The following GRM5 variants were observed in gnomAD, a reference collection of about 807,000 sequenced individuals.
The protein encoded by GRM5 is glutamate metabotropic receptor 5.
In GRM5, 19 loss-of-function variants were observed where a neutral mutation model predicts 83.1. That is an observed-to-expected ratio of 0.23 (90% confidence interval 0.16 to 0.34). GRM5 has a LOEUF of 0.34. Ranked by LOEUF, GRM5 falls within the 10% of genes least tolerant of loss-of-function variation. The probability of loss-of-function intolerance (pLI) is 1.00; values close to 1 mark genes in which losing one functional copy is unlikely to be tolerated. For synonymous variants in GRM5, 675 were observed against 633.6 expected, an observed-to-expected ratio of 1.07 and a Z score of -0.98; for missense variants, 1,160 against 1,588.3, an observed-to-expected ratio of 0.73 and a Z score of 4.58.
chr11:88,806,280 A>G (rs925314260), intron 3 of GRM5, among the ~76,000 whole-genome samples: 4 of 152,218 alleles, frequency 2.6e-5, no homozygotes, highest in Admixed American at 6.5e-5. Flanking sequence ...AAAATGATCC[A>G]TAAATTTCAC....
intron 3 of GRM5, among the ~76,000 whole-genome samples, chr11:88,701,615 G>C (rs1170900366): frequency 2.0e-5 from 3 of 152,158 alleles, no homozygotes; most frequent in Non-Finnish European, 4.4e-5. Flanking sequence ...GTTAGGTCAT[G>C]ATTCTGTCTT....
chr11:89,043,058 A>T (rs1941567446), intron 2 of GRM5, among the ~76,000 whole-genome samples: 2 of 152,236 alleles, frequency 1.3e-5, no homozygotes, highest in African/African-American at 2.4e-5. Context: ...CAATTAATCA[A>T]GGGAGTCATT....
intron 8 of GRM5, among the ~76,000 whole-genome samples, chr11:88,557,420 G>A (rs1260011895): frequency 6.6e-6 from 1 of 152,088 alleles, no homozygotes; most frequent in Non-Finnish European, 1.5e-5. Flanking sequence ...GGTGTGTGGA[G>A]GCATCAGGCT....
chr11:88,977,627 T>C (rs562501625), intron 2 of GRM5, among the ~76,000 whole-genome samples: 2 of 152,246 alleles, frequency 1.3e-5, no homozygotes, highest in Non-Finnish European at 2.9e-5. Context: ...TGGTGTCATA[T>C]ACAAGAATTT....
At chr11:88,707,598 T>G (rs555891435) in intron 3 of GRM5, among the ~76,000 whole-genome samples, 4 of 152,152 alleles carry the variant, frequency 2.6e-5, no homozygotes, top group Non-Finnish European at 5.9e-5. Context: ...GTAGGTTATA[T>G]GCAAATGGTA....
chr11:88,534,270 C>A (rs1942083365), intron 8 of GRM5, among the ~76,000 whole-genome samples: 1 of 152,182 alleles, frequency 6.6e-6, no homozygotes, highest in African/African-American at 2.4e-5. Flanking sequence ...ACGACTTGCA[C>A]TGTGTGCCTG....
chr11:88,875,277 C>T (rs1381793455), intron 2 of GRM5, among the ~76,000 whole-genome samples: 2 of 151,838 alleles, frequency 1.3e-5, no homozygotes, highest in South Asian at 2.1e-4. Context: ...TAGCAGATTC[C>T]ATCTCAAAAA....
At chr11:88,744,043 G>T (rs1942082519) in intron 3 of GRM5, among the ~76,000 whole-genome samples, 1 of 152,120 alleles carries the variant, frequency 6.6e-6, no homozygotes, top group African/African-American at 2.4e-5. Context: ...AATGTAAGAA[G>T]CATACTAGTA....
intron 2 of GRM5, among the ~76,000 whole-genome samples, chr11:89,018,145 G>C (rs1940903559): frequency 6.6e-6 from 1 of 152,172 alleles, no homozygotes; most frequent in Non-Finnish European, 1.5e-5. Flanking sequence ...ATAAAGGGTA[G>C]TTATTGTTGT....
chr11:88,659,050 G>A lies in GRM5; in HGVS notation c.912-5647C>T, dbSNP rs144824980. On this transcript the variant is annotated intron_variant, in intron 3 of 9. Coordinates refer to ENST00000305447, the MANE Select transcript of GRM5 (RefSeq NM_001143831.3). ...TCAAGTTAGAAAATATGTTGCAATG[G>A]TCAAGGAAACCAATGGAGAATTGAA... is the stretch of plus-strand genomic sequence containing the variant. Among the ~76,000 whole-genome samples the A allele has an allele frequency of 1.8e-4, 28 of 152,240 alleles. No homozygotes were observed. The East Asian group carries it at 5.4e-3, about 29-fold the overall frequency.
intron 3 of GRM5, among the ~76,000 whole-genome samples, chr11:88,670,263 C>T (rs1223605332): frequency 6.6e-6 from 1 of 151,364 alleles, no homozygotes; most frequent in African/African-American, 2.4e-5. Context: ...GATTGTAGAC[C>T]TAAATAGGAA....
chr11:88,990,120 C>A (rs1231074113), intron 2 of GRM5, among the ~76,000 whole-genome samples: 65 of 144,790 alleles, frequency 4.5e-4, no homozygotes, highest in Non-Finnish European at 6.2e-4. Flanking sequence ...GCTAGCAAGA[C>A]TAATAAAGAA....
At chr11:88,630,567 A>ACACC in intron 4 of GRM5, among the ~76,000 whole-genome samples, 1 of 9,228 alleles carries the variant, frequency 1.1e-4, no homozygotes, top group African/African-American at 2.7e-4. Context: ...ACACACACAC[A>ACACC]CACACAAACA....
intron 2 of GRM5, among the ~76,000 whole-genome samples, chr11:88,947,471 C>T (rs906797738): frequency 6.6e-6 from 1 of 151,942 alleles, no homozygotes; most frequent in African/African-American, 2.4e-5. Context: ...CTTACAAATA[C>T]ACATCATGGA....
chr11:88,789,366 A>C (rs1943129623), intron 3 of GRM5, among the ~76,000 whole-genome samples: 1 of 152,130 alleles, frequency 6.6e-6, no homozygotes, highest in Non-Finnish European at 1.5e-5. Context: ...GAAAAAAAAG[A>C]AAAAAGAAAA....
intron 3 of GRM5, among the ~76,000 whole-genome samples, chr11:88,755,358 A>G (rs1452827627): frequency 1.3e-5 from 2 of 152,170 alleles, no homozygotes; most frequent in Non-Finnish European, 2.9e-5. Context: ...AACTTGACCA[A>G]ATTAATTTTT....
At chr11:88,650,862 G>A (rs1434248179) in intron 4 of GRM5, among the ~76,000 whole-genome samples, 8 of 151,926 alleles carry the variant, frequency 5.3e-5, no homozygotes, top group Non-Finnish European at 8.8e-5. Flanking sequence ...TATGACTGGA[G>A]GAACTTATTT....
intron 3 of GRM5, among the ~76,000 whole-genome samples, chr11:88,698,738 C>T (rs1352605089): frequency 6.6e-6 from 1 of 152,128 alleles, no homozygotes; most frequent in African/African-American, 2.4e-5. Flanking sequence ...ACTGCAGTCT[C>T]AGTGAAGGGA....
At chr11:88,738,891 C>T (rs1941972405) in intron 3 of GRM5, among the ~76,000 whole-genome samples, 1 of 152,046 alleles carries the variant, frequency 6.6e-6, no homozygotes, top group Non-Finnish European at 1.5e-5. Context: ...CTGCTCTTGG[C>T]TCTTGGTCAC....
Sources: allele counts gnomAD v4.1 joint callset (sites outside exome capture counted in the v4.1 genomes callset), GRCh38; gene constraint gnomAD v4.1.1; transcripts MANE v1.5; gene names NCBI Gene and HGNC (gene_info 2026-07-23, HGNC 2026-07-21).